KIAA1217: variants seen among roughly 807,000 people sequenced by gnomAD.
KIAA1217 encodes the protein KIAA1217, also known as sickle tail protein homolog.
A neutral mutation model predicts 163.9 loss-of-function variants in KIAA1217; 88 were observed. That is an observed-to-expected ratio of 0.54 (90% CI 0.45 to 0.64). The LOEUF (loss-of-function observed/expected upper bound fraction) is 0.64, where lower values mean the gene tolerates loss of function less well. Ranked by LOEUF, KIAA1217 falls within the 30% of genes least tolerant of loss-of-function variation. KIAA1217 has a pLI of 0.00. For synonymous variants in KIAA1217, 903 were observed against 923.1 expected (o/e 0.98, Z 0.39); for missense variants, 2,372 against 2,475.0 (o/e 0.96, Z 0.88).
intron 2 of KIAA1217, among the ~76,000 whole-genome samples, chr10:24,161,116 C>T (rs1178441431): frequency 6.6e-6 from 1 of 152,150 alleles, no homozygotes; most frequent in Non-Finnish European, 1.5e-5. Flanking sequence ...AAAGAAACAG[C>T]TATACTCAGG....
intron 2 of KIAA1217, among the ~76,000 whole-genome samples, chr10:24,225,907 G>T (rs1270658526): frequency 6.6e-6 from 1 of 152,100 alleles, no homozygotes; most frequent in African/African-American, 2.4e-5. Flanking sequence ...CCTAGATTAG[G>T]CTAGATCCAA....
intron 1 of KIAA1217, among the ~76,000 whole-genome samples, chr10:23,709,814 C>G (rs1368978876): frequency 1.3e-5 from 2 of 152,110 alleles, no homozygotes; most frequent in Non-Finnish European, 2.9e-5. Flanking sequence ...GTAACTCACC[C>G]AAGGTCACAG....
intron 1 of KIAA1217, among the ~76,000 whole-genome samples, chr10:23,996,900 T>G (rs571427452): frequency 5.3e-5 from 8 of 152,278 alleles, no homozygotes; most frequent in African/African-American, 1.9e-4. Flanking sequence ...AAAATGGGAT[T>G]TCAGTCACAT....
intron 2 of KIAA1217, among the ~76,000 whole-genome samples, chr10:24,333,320 G>A (rs1477587401): frequency 7.9e-5 from 12 of 152,096 alleles, no homozygotes; most frequent in African/African-American, 2.9e-4. Context: ...CCACCACAGG[G>A]TACTTACTGT....
intron 2 of KIAA1217, among the ~76,000 whole-genome samples, chr10:24,245,109 C>T (rs1463019302): frequency 6.6e-6 from 1 of 152,082 alleles, no homozygotes; most frequent in Non-Finnish European, 1.5e-5. Flanking sequence ...CCCCTTGCAG[C>T]ACCGGGAGTC....
At chr10:24,456,207 A>T (rs1426640823) in intron 5 of KIAA1217, among the ~76,000 whole-genome samples, 1 of 152,188 alleles carries the variant, frequency 6.6e-6, no homozygotes, top group African/African-American at 2.4e-5. Context: ...CTCAAATATG[A>T]TATCTTTGAA....
intron 1 of KIAA1217, among the ~76,000 whole-genome samples, chr10:23,735,131 T>G (rs990380324): frequency 2.0e-5 from 3 of 152,208 alleles, no homozygotes; most frequent in Non-Finnish European, 4.4e-5. Context: ...AAAGTACACA[T>G]CTAAGGATTT....
chr10:24,344,916 A>T (rs955281394), intron 2 of KIAA1217, among the ~76,000 whole-genome samples: 8 of 152,200 alleles, frequency 5.3e-5, no homozygotes. Flanking sequence ...AACTCTGCAG[A>T]CTATCTCAGA....
At chr10:24,394,855 C>T (rs2055500925) in intron 3 of KIAA1217, among the ~76,000 whole-genome samples, 1 of 152,330 alleles carries the variant, frequency 6.6e-6, no homozygotes, top group South Asian at 2.1e-4. Flanking sequence ...TGTCTCCTTA[C>T]CTGCTGCATT....
At chr10:23,809,966 C>T (rs1441993979) in intron 1 of KIAA1217, among the ~76,000 whole-genome samples, 1 of 151,894 alleles carries the variant, frequency 6.6e-6, no homozygotes, top group African/African-American at 2.4e-5. Flanking sequence ...TTTTCACTTT[C>T]AGTATAGTAT....
chr10:24,411,589 T>A (rs2057776052), intron 3 of KIAA1217, among the ~76,000 whole-genome samples: 1 of 152,226 alleles, frequency 6.6e-6, no homozygotes, highest in Non-Finnish European at 1.5e-5. Flanking sequence ...TTATCTATTA[T>A]GAGAAAGTGT....
chr10:24,154,237 G>A (rs1000378241), intron 2 of KIAA1217, among the ~76,000 whole-genome samples: 3 of 151,968 alleles, frequency 2.0e-5, no homozygotes, highest in African/African-American at 4.8e-5. Context: ...GATTACAGGC[G>A]TGAGCCACCC....
chr10:24,267,027 C>G (rs2076302587), intron 2 of KIAA1217, among the ~76,000 whole-genome samples: 1 of 152,170 alleles, frequency 6.6e-6, no homozygotes, highest in South Asian at 2.1e-4. Flanking sequence ...CCCACATCTT[C>G]CCCTATGGCT....
intron 2 of KIAA1217, among the ~76,000 whole-genome samples, chr10:24,095,335 G>A (rs1038487915): frequency 2.6e-5 from 4 of 152,182 alleles, no homozygotes; most frequent in African/African-American, 9.7e-5. Flanking sequence ...CGTCGCTCAT[G>A]CTGGGAGCCG....
In KIAA1217 at chr10:24,520,007, G is replaced by T. The variant is rs533569752; in HGVS notation, c.2178-116G>T. 69 of 1,195,228 alleles carry T rather than the reference G, an allele frequency of 5.8e-5. No homozygotes were observed. The East Asian group carries it at 9.5e-4, about 16-fold the overall frequency. 74.0% of individuals were successfully genotyped at this position (1,195,228 alleles called of 1,614,324 possible). On this transcript the variant is annotated intron_variant, in intron 10 of 20. Coordinates refer to ENST00000376454, the MANE Select transcript of KIAA1217 (RefSeq NM_019590.5). ...TCCACCACCACCACACGAAAGGCAGGGGGGAGGAGCTGGGGCTCTACACAA... is the reference window on the plus strand; with the variant it reads ...TCCACCACCACCACACGAAAGGCAGTGGGGAGGAGCTGGGGCTCTACACAA...
intron 2 of KIAA1217, among the ~76,000 whole-genome samples, chr10:24,014,471 G>A (rs1275296039): frequency 6.6e-6 from 1 of 152,066 alleles, no homozygotes; most frequent in African/African-American, 2.4e-5. Flanking sequence ...TTGCTTGTTG[G>A]AAACAAAAGA....
chr10:23,920,436 C>A (rs1191018873), intron 1 of KIAA1217, among the ~76,000 whole-genome samples: 1 of 152,128 alleles, frequency 6.6e-6, no homozygotes, highest in African/African-American at 2.4e-5. Flanking sequence ...TGAAGGCAAC[C>A]TGAGCTTTTT....
chr10:23,867,410 C>T (rs1840247019), intron 1 of KIAA1217, among the ~76,000 whole-genome samples: 2 of 151,978 alleles, frequency 1.3e-5, no homozygotes, highest in South Asian at 2.1e-4. Context: ...GTTCTAGATC[C>T]CTGAGGAATC....
chr10:24,378,654 A>G (rs1382410182), intron 2 of KIAA1217, among the ~76,000 whole-genome samples: 12 of 150,516 alleles, frequency 8.0e-5, no homozygotes, highest in Non-Finnish European at 2.9e-5. Flanking sequence ...TTTCCAGCAT[A>G]TCAGATCACA....
Sources: gnomAD v4.1 joint callset for allele counts (sites outside exome capture counted in the v4.1 genomes callset) on GRCh38, gnomAD v4.1.1 for gene constraint, MANE v1.5 for transcripts, NCBI Gene and HGNC (gene_info 2026-07-23, HGNC 2026-07-21) for gene names.